DPY19L2: variants seen among roughly 807,000 people sequenced by gnomAD.
DPY19L2 encodes the protein probable C-mannosyltransferase DPY19L2.
Under a neutral mutation model 97.9 loss-of-function variants are expected in DPY19L2, and 34 were observed. That is an observed-to-expected ratio of 0.35 (90% CI 0.26 to 0.46). The LOEUF (loss-of-function observed/expected upper bound fraction) is 0.46. Ranked by LOEUF, DPY19L2 falls within the 20% of genes least tolerant of loss-of-function variation. DPY19L2 has a pLI of 1.00. For synonymous variants in DPY19L2, 230 were observed against 307.9 expected (o/e 0.75, Z 2.65); for missense variants, 623 against 911.4 (o/e 0.68, Z 4.07).
At position 63,653,289 on chromosome 12, in the gene DPY19L2, G is replaced by A. The variant is rs1238572055; in HGVS notation, c.589-5924C>T. Among the ~76,000 whole-genome samples the A allele has an allele frequency of 2.6e-5, 4 of 152,120 alleles. 1 individual carries two copies. Among genetic ancestry groups the A allele is most frequent in the African/African-American group, 9.7e-5 (4 of 41,416 alleles). ...GGAAATAATTACTGAGGCTGGTCCC[G>A]GTGGTTCATGCCTGTAATCCCAGCA... On this transcript the variant is annotated intron_variant, in intron 4 of 21. Transcript: ENST00000324472.
In DPY19L2 at chr12:63,569,319, A is replaced by G; in HGVS notation, c.2031T>C (p.Tyr677=). The G allele has an allele frequency of 6.3e-7, 1 of 1,593,814 alleles. No individual in the cohort carries two copies. The highest frequency in any genetic ancestry group is 1.2e-5 in the South Asian group (1 of 86,426). ...RARTKIVYST[Y]SRKSAKEVRD... is the part of the protein sequence containing the mutation. The stretch of plus-strand genomic sequence containing the variant: ...TTACTTCTTTGGCAGATTTTCGACT[A>G]TATGTAGAATAAACTATTTTTGTCC... Residue 677 remains tyrosine (Y), a synonymous_variant, in exon 21 of 22, where the codon TAT becomes TAC. Coordinates refer to ENST00000324472, the MANE Select transcript of DPY19L2 (RefSeq NM_173812.5).
At chr12:63,637,691 G>A (rs1891972494) in intron 6 of DPY19L2, among the ~76,000 whole-genome samples, 1 of 151,944 alleles carries the variant, frequency 6.6e-6, no homozygotes, top group South Asian at 2.1e-4. Context: ...ACCAATAACA[G>A]GCTCTGAAAT....
At chr12:63,595,326 T>TA (rs1237409876) in intron 15 of DPY19L2, among the ~76,000 whole-genome samples, 1 of 152,088 alleles carries the variant, frequency 6.6e-6, no homozygotes, top group East Asian at 1.9e-4. Flanking sequence ...CAAGACTGCT[T>TA]AAAAAAATAC....
intron 4 of DPY19L2, among the ~76,000 whole-genome samples, chr12:63,650,165 T>C (rs1204567031): frequency 6.6e-6 from 1 of 152,100 alleles, no homozygotes; most frequent in Admixed American, 6.5e-5. Flanking sequence ...TGAAGGAACA[T>C]ACCTCAAAAT....
At chr12:63,593,533 T>G (rs560392573) in intron 16 of DPY19L2, among the ~76,000 whole-genome samples, 6 of 151,926 alleles carry the variant, frequency 3.9e-5, no homozygotes, top group Non-Finnish European at 8.8e-5. Flanking sequence ...AGTAAACGAT[T>G]GCAAGAACAA....
chr12:63,653,232 C>CGGG (rs1565845223), intron 4 of DPY19L2, among the ~76,000 whole-genome samples: 1 of 151,712 alleles, frequency 6.6e-6, no homozygotes, highest in Non-Finnish European at 1.5e-5. Flanking sequence ...TGGAAGGAGA[C>CGGG]AGGAAAGAGG....
chr12:63,584,029 GT>G (rs1483980952), intron 16 of DPY19L2, 193 bp from the exon 17 acceptor site: 1 of 536,574 alleles, frequency 1.9e-6, no homozygotes, highest in Non-Finnish European at 3.3e-6. Context: ...ATAATTTATA[GT>G]CATCCTATTC....
intron 16 of DPY19L2, among the ~76,000 whole-genome samples, chr12:63,592,706 T>G (rs1477799182): frequency 6.7e-6 from 1 of 148,434 alleles, no homozygotes; most frequent in Non-Finnish European, 1.5e-5. Flanking sequence ...ACCTAGGCAT[T>G]ACCATTCAGG....
At chr12:63,591,119 T>C (rs1296312504) in intron 16 of DPY19L2, 5 of 455,844 alleles carry the variant, frequency 1.1e-5, no homozygotes, top group Non-Finnish European at 1.8e-5. Context: ...TTCCCTGTGC[T>C]CCATCTGTCT....
chr12:63,630,785 C>A (rs1330478391), intron 6 of DPY19L2, among the ~76,000 whole-genome samples: 1 of 152,176 alleles, frequency 6.6e-6, no homozygotes. Context: ...CACCACACCG[C>A]ACTTATTCCA....
intron 4 of DPY19L2, among the ~76,000 whole-genome samples, chr12:63,659,204 A>G (rs1013855018): frequency 1.3e-5 from 2 of 152,226 alleles, no homozygotes; most frequent in African/African-American, 4.8e-5. Flanking sequence ...CATCGAGGTC[A>G]AAGTTAATAT....
In DPY19L2 at chr12:63,582,545, C is replaced by A. The variant is rs1881115876; in HGVS notation, c.1606-20G>T. On this transcript the variant is annotated intron_variant, in intron 17 of 21. Coordinates refer to ENST00000324472, the MANE Select transcript of DPY19L2 (RefSeq NM_173812.5). ...AGCCAGCTATAAAACACAAATAAGA[C>A]AAAATCACATTTTTACTTTTCATAT... 1 of 1,599,054 alleles carries A rather than the reference C, an allele frequency of 6.3e-7. No homozygotes were observed. The highest frequency in any genetic ancestry group is 8.5e-7 in the Non-Finnish European group (1 of 1,175,014).
At chr12:63,625,938 A>T (rs902875719) in intron 7 of DPY19L2, among the ~76,000 whole-genome samples, 2 of 75,722 alleles carry the variant, frequency 2.6e-5, no homozygotes, top group African/African-American at 1.8e-4. Flanking sequence ...TATATATGTT[A>T]TATATATATA....
intron 11 of DPY19L2, 72 bp downstream of exon 11, chr12:63,617,232 T>C (rs1205890540): frequency 4.5e-6 from 4 of 885,042 alleles, no homozygotes; most frequent in Non-Finnish European, 5.4e-6. Flanking sequence ...TATTCTCTTA[T>C]ACCTGTTTTA....
intron 11 of DPY19L2, among the ~76,000 whole-genome samples, chr12:63,610,840 G>GAAAAAAAAAAAAAAA (rs1565762014): frequency 3.8e-4 from 1 of 2,602 alleles, no homozygotes; most frequent in African/African-American, 9.5e-4. Flanking sequence ...GATGAATATA[G>GAAAAAAAAAAAAAAA]CAAAAAAAAA....
chr12:63,654,459 C>T (rs910917147), intron 4 of DPY19L2, among the ~76,000 whole-genome samples: 1 of 151,972 alleles, frequency 6.6e-6, no homozygotes, highest in Non-Finnish European at 1.5e-5. Flanking sequence ...AAAATAAAAT[C>T]GCAGACTTAA....
intron 21 of DPY19L2, among the ~76,000 whole-genome samples, chr12:63,567,533 T>A (rs1565692795): frequency 6.6e-6 from 1 of 152,092 alleles, no homozygotes; most frequent in African/African-American, 2.4e-5. Flanking sequence ...CACCTTTGCC[T>A]TAAATAATGT....
chr12:63,664,608 TG>T (rs71459003), intron 2 of DPY19L2, among the ~76,000 whole-genome samples: 30,434 of 151,954 alleles, frequency 0.2, 3,536 homozygotes, highest in Non-Finnish European at 0.27. Context: ...AACTTTCAAG[TG>T]CCAAAGAATA....
chr12:63,656,303 G>A (rs1230483639), intron 4 of DPY19L2, among the ~76,000 whole-genome samples: 5 of 152,120 alleles, frequency 3.3e-5, no homozygotes, highest in African/African-American at 7.2e-5. Flanking sequence ...ATTCAAGACC[G>A]TCAACCTCAA....
Sources: allele counts gnomAD v4.1 joint callset (sites outside exome capture counted in the v4.1 genomes callset), GRCh38; gene constraint gnomAD v4.1.1; transcripts MANE v1.5; gene names NCBI Gene and HGNC (gene_info 2026-07-23, HGNC 2026-07-21).